Variants in FAM53B observed in about 807,000 individuals in gnomAD.
FAM53B encodes family with sequence similarity 53 member B.
A neutral mutation model predicts 32.7 loss-of-function variants in FAM53B; 12 were observed. The ratio of observed to expected loss-of-function variants is 0.37; its 90% CI spans 0.24 to 0.59. FAM53B has a LOEUF of 0.59. Ranked by LOEUF, FAM53B falls within the 20% of genes least tolerant of loss-of-function variation. The pLI is 0.72. For synonymous variants in FAM53B, 234 were observed against 228.7 expected (o/e 1.02, Z -0.21); for missense variants, 477 against 577.7 (o/e 0.83, Z 1.79).
chr10:124,685,606 C>T (rs1949798029), intron 3 of FAM53B, among the ~76,000 whole-genome samples: 1 of 152,258 alleles, frequency 6.6e-6, no homozygotes, highest in South Asian at 2.1e-4. Context: ...TCCGCCAGGC[C>T]TCGGGGAAAC....
At chr10:124,730,829 C>T (rs1950137789) in intron 1 of FAM53B, among the ~76,000 whole-genome samples, 1 of 152,208 alleles carries the variant, frequency 6.6e-6, no homozygotes. Flanking sequence ...GCAGAGTATT[C>T]ATGTGGAGAA....
intron 1 of FAM53B, among the ~76,000 whole-genome samples, chr10:124,712,998 C>T (rs1950015048): frequency 6.6e-6 from 1 of 152,220 alleles, no homozygotes; most frequent in Non-Finnish European, 1.5e-5. Flanking sequence ...CAAAGCAAGG[C>T]CTATGGGTGG....
At chr10:124,743,374 G>A (rs1274949580) in intron 1 of FAM53B, among the ~76,000 whole-genome samples, 2 of 152,180 alleles carry the variant, frequency 1.3e-5, no homozygotes, top group Non-Finnish European at 2.9e-5. Flanking sequence ...CCACGCCGGC[G>A]CGGACGCCCC....
intron 4 of FAM53B, among the ~76,000 whole-genome samples, chr10:124,661,034 G>A (rs1487379466): frequency 2.9e-5 from 4 of 139,828 alleles, no homozygotes; most frequent in African/African-American, 1.1e-4. Flanking sequence ...AAGGCCACCT[G>A]TACCCCAAAA....
intron 2 of FAM53B, among the ~76,000 whole-genome samples, chr10:124,699,897 G>T (rs1256772247): frequency 6.6e-6 from 1 of 152,206 alleles, no homozygotes; most frequent in Non-Finnish European, 1.5e-5. Context: ...CCTTTCTGAG[G>T]CCCGACTGGC....
In FAM53B at chr10:124,744,138, A is replaced by C. The variant is rs1277648376; in HGVS notation, c.-300T>G. ...CGCCTGCCGGCGCCGAGCGCTTTGT[A>C]CGAGCGACTCCCGGGGAGGAGGAAA... On this transcript the variant is annotated 5_prime_UTR_variant, in exon 1 of 5. Transcript: ENST00000337318. The C allele has an allele frequency of 6.8e-6, 1 of 146,972 alleles. No homozygotes were observed. The highest frequency in any genetic ancestry group is 1.5e-5 in the Non-Finnish European group (1 of 66,054). The allele number at this position is 146,972 out of a possible 1,614,324, so 9.1% of individuals were successfully genotyped here. A position where few individuals can be genotyped will look rare whatever the true frequency, so the allele number is the denominator to read the frequency against.
chr10:124,722,917 C>G (rs1191778767), intron 1 of FAM53B, among the ~76,000 whole-genome samples: 1 of 152,198 alleles, frequency 6.6e-6, no homozygotes, highest in Non-Finnish European at 1.5e-5. Flanking sequence ...ATACCACATG[C>G]AGTTTCCTGC....
At chr10:124,658,217 C>T (rs933696322) in intron 4 of FAM53B, among the ~76,000 whole-genome samples, 1 of 152,198 alleles carries the variant, frequency 6.6e-6, no homozygotes, top group Non-Finnish European at 1.5e-5. Flanking sequence ...CACTGGTGTG[C>T]TTGGGGATAG....
At chr10:124,742,104 G>A (rs867980834) in intron 1 of FAM53B, among the ~76,000 whole-genome samples, 2 of 152,272 alleles carry the variant, frequency 1.3e-5, no homozygotes, top group Middle Eastern at 3.4e-3. Context: ...AAAAAATACA[G>A]GCCTTCCCCA....
At chr10:124,663,167 C>T (rs1278528536) in intron 4 of FAM53B, among the ~76,000 whole-genome samples, 1 of 152,352 alleles carries the variant, frequency 6.6e-6, no homozygotes, top group South Asian at 2.1e-4. Context: ...ATCCCTGCCT[C>T]TCAGAGCTGC....
intron 1 of FAM53B, among the ~76,000 whole-genome samples, chr10:124,724,364 C>G (rs1320076470): frequency 6.6e-6 from 1 of 152,182 alleles, no homozygotes; most frequent in Non-Finnish European, 1.5e-5. Flanking sequence ...TCAGCTGCCA[C>G]AACATCGGCC....
chr10:124,645,222 C>T (rs1199566588), intron 4 of FAM53B, among the ~76,000 whole-genome samples: 1 of 152,270 alleles, frequency 6.6e-6, no homozygotes, highest in African/African-American at 2.4e-5. Flanking sequence ...CACCGCCATT[C>T]TGTGGTAAGA....
intron 4 of FAM53B, among the ~76,000 whole-genome samples, chr10:124,643,896 G>A (rs1949493736): frequency 6.6e-6 from 1 of 152,218 alleles, no homozygotes. Context: ...GGCATCCAGA[G>A]GTTGGAGATG....
Position 124,719,726 on chromosome 10 carries a change from A to G in FAM53B, c.-174-12839T>C, listed in dbSNP as rs80284357. Among the ~76,000 whole-genome samples, 610 of 152,252 alleles carry G rather than the reference A, an allele frequency of 4.0e-3. 7 individuals carry two copies. Among genetic ancestry groups the G allele is most frequent in the African/African-American group, 0.014 (596 of 41,550 alleles). ...TTCACTAAGTCAGCAGCAAAACTCT[A>G]AAGCCAGGCCTCTGAGCACTCCTCC... On this transcript the variant is annotated intron_variant, in intron 1 of 4. Transcript: ENST00000337318.
intron 3 of FAM53B, among the ~76,000 whole-genome samples, chr10:124,684,059 A>G (rs964631583): frequency 3.9e-5 from 6 of 151,918 alleles, no homozygotes; most frequent in African/African-American, 1.5e-4. Context: ...TAACGGTGGT[A>G]CTCCTTCCTC....
At chr10:124,683,605 CT>C (rs1308509870) in intron 3 of FAM53B, among the ~76,000 whole-genome samples, 1 of 152,138 alleles carries the variant, frequency 6.6e-6, no homozygotes, top group Non-Finnish European at 1.5e-5. Flanking sequence ...GAGACCAAGG[CT>C]TGGGGGACAC....
Position 124,682,401 on chromosome 10 carries a change from G to A in FAM53B, c.134-22C>T, listed in dbSNP as rs1949779432. 6.3e-7 allele frequency: 1 copy of A among 1,576,614 alleles called. No individual in the cohort carries two copies. The highest frequency in any genetic ancestry group is 1.3e-5 in the African/African-American group (1 of 74,094). On this transcript the variant is annotated intron_variant, in intron 3 of 4. Coordinates refer to ENST00000337318, the MANE Select transcript of FAM53B (RefSeq NM_014661.4). The surrounding 1 kb of genome is among the most constrained non-coding windows in gnomAD (Gnocchi z 5.2). ...TTTTCTGGTTCATAAATGACAAGGA[G>A]AAAACAGGATTTGAGAAGACCTTCA...
chr10:124,725,476 G>C (rs1266682824), intron 1 of FAM53B, among the ~76,000 whole-genome samples: 1 of 152,238 alleles, frequency 6.6e-6, no homozygotes, highest in Non-Finnish European at 1.5e-5. Context: ...CCCAGCCTTG[G>C]ACTGACGGCA....
rs962128386 is a variant in FAM53B, at chr10:124,621,042, G to T, written c.*2200C>A. On this transcript the variant is annotated 3_prime_UTR_variant, in exon 5 of 5. Transcript: ENST00000337318. ...TTGAGGGCAGGTCACCCACACCCCAGTCCCACGACATATACCTGTCACCAT... is the reference window on the plus strand; with the variant it reads ...TTGAGGGCAGGTCACCCACACCCCATTCCCACGACATATACCTGTCACCAT... 1 of 152,250 alleles carries T rather than the reference G, an allele frequency of 6.6e-6. No individual in the cohort carries two copies. Among genetic ancestry groups the T allele is most frequent in the African/African-American group, 2.4e-5 (1 of 41,440 alleles). 9.4% of individuals were successfully genotyped at this position (152,250 alleles called of 1,614,324 possible).
Sources: gnomAD v4.1 joint callset for allele counts (sites outside exome capture counted in the v4.1 genomes callset) on GRCh38, gnomAD v4.1.1 for gene constraint, Gnocchi (gnomAD v3.1) non-coding constraint, MANE v1.5 for transcripts, NCBI Gene and HGNC (gene_info 2026-07-23, HGNC 2026-07-21) for gene names.